AOPEP: variants seen among roughly 807,000 people sequenced by gnomAD.
AOPEP encodes the protein aminopeptidase O (putative).
In AOPEP, 77 loss-of-function variants were observed where a neutral mutation model predicts 98.1. The ratio of observed to expected loss-of-function variants is 0.78; its 90% CI spans 0.65 to 0.95. The LOEUF is 0.95. Among genes scored for constraint, AOPEP ranks in the 40% least tolerant of loss-of-function variants. AOPEP has a pLI of 0.00. For synonymous variants in AOPEP, 346 were observed against 365.3 expected (o/e 0.95, Z 0.60); for missense variants, 1,024 against 1,024.7 (o/e 1.00, Z 0.01).
chr9:94,928,144 G>C (rs2054652496), intron 6 of AOPEP, among the ~76,000 whole-genome samples: 1 of 152,226 alleles, frequency 6.6e-6, no homozygotes, highest in Non-Finnish European at 1.5e-5. Flanking sequence ...ACTCTCTCCA[G>C]ACCAGGTGTG....
At chr9:95,108,212 G>A in the AOPEP span, among the ~76,000 whole-genome samples, 7 of 152,264 alleles carry the variant, frequency 4.6e-5, no homozygotes, top group African/African-American at 1.7e-4. Context: ...GGTGTGTTGT[G>A]TGAGCTCCTC....
At chr9:95,080,849 G>C in intron 15 of AOPEP, 69 bp downstream of exon 15, 1 of 989,976 alleles carries the variant, frequency 1.0e-6, no homozygotes, top group Non-Finnish European at 1.6e-6. Flanking sequence ...AGGAATCCAC[G>C]TTCTCAGTAT....
At chr9:95,077,716 C>T (rs866843295) in intron 14 of AOPEP, among the ~76,000 whole-genome samples, 26 of 152,174 alleles carry the variant, frequency 1.7e-4, no homozygotes, top group Non-Finnish European at 3.1e-4. Context: ...CCTTGAAGCC[C>T]CTCGGTGGTC....
chr9:94,809,590 C>T (rs1850018230), intron 5 of AOPEP, among the ~76,000 whole-genome samples: 1 of 152,230 alleles, frequency 6.6e-6, no homozygotes. Flanking sequence ...TGCTTTACAG[C>T]AGTGAGGAAG....
At chr9:94,931,390 A>G (rs184584450) in intron 7 of AOPEP, among the ~76,000 whole-genome samples, 28 of 152,342 alleles carry the variant, frequency 1.8e-4, no homozygotes, top group Non-Finnish European at 1.5e-4. Flanking sequence ...TTGCACATCA[A>G]TAAGGAAAAT....
chr9:94,800,368 T>C (rs1397721028), intron 4 of AOPEP, among the ~76,000 whole-genome samples: 33 of 152,170 alleles, frequency 2.2e-4, no homozygotes, highest in Non-Finnish European at 2.9e-5. Context: ...GAGTTATGAA[T>C]TGTCTCTAAT....
intron 13 of AOPEP, among the ~76,000 whole-genome samples, chr9:95,047,049 A>AT (rs2133713681): frequency 6.6e-6 from 1 of 152,338 alleles, no homozygotes; most frequent in East Asian, 1.9e-4. Flanking sequence ...CAAACATGGC[A>AT]TTTTGTAAGA....
intron 14 of AOPEP, among the ~76,000 whole-genome samples, chr9:95,073,537 A>C (rs1389806437): frequency 8.8e-5 from 13 of 147,086 alleles, no homozygotes; most frequent in African/African-American, 3.5e-4. Context: ...GTAATCCCAG[A>C]AGGCTGGGCG....
rs931916933 is a variant in AOPEP, at chr9:94,953,166, T to G, written c.1662-2011T>G. On this transcript the variant is annotated intron_variant, in intron 7 of 16. Transcript: ENST00000375315. Reference sequence around the variant, plus strand: ...CCAGACAGTGGGTGATGGGCTTTCCTTATCAAAGCTAGTGTGGCTTTCTTA... The same window carrying G: ...CCAGACAGTGGGTGATGGGCTTTCCGTATCAAAGCTAGTGTGGCTTTCTTA... 1.2e-4 allele frequency among the ~76,000 whole-genome samples: 19 copies of G among 152,214 alleles called. 1 individual carries two copies. The highest frequency in any genetic ancestry group is 3.9e-4 in the African/African-American group (16 of 41,460).
At chr9:94,786,512 C>T (rs1434359078) in intron 3 of AOPEP, among the ~76,000 whole-genome samples, 1 of 152,128 alleles carries the variant, frequency 6.6e-6, no homozygotes, top group Non-Finnish European at 1.5e-5. Context: ...CTTTCTGGGG[C>T]AGTATTTCCA....
intron 5 of AOPEP, among the ~76,000 whole-genome samples, chr9:94,865,369 G>A (rs567789267): frequency 7.2e-4 from 109 of 152,274 alleles, no homozygotes; most frequent in African/African-American, 2.5e-3. Flanking sequence ...AAAATTTGAT[G>A]TTAAGTTTCT....
the AOPEP span, chr9:95,101,486 G>A: frequency 1.6e-6 from 1 of 606,286 alleles, no homozygotes. Context: ...AGGCTCACTT[G>A]AGTCATTAGT....
intron 7 of AOPEP, chr9:94,934,917 C>G (rs1389351018): frequency 6.6e-6 from 1 of 152,300 alleles, no homozygotes. Context: ...AAACCCCCAT[C>G]TTAGGTGGGA....
At position 94,760,401 on chromosome 9, in the gene AOPEP, C is replaced by A. The variant is rs76131437; in HGVS notation, c.618C>A (p.Tyr206Ter). 2 of 1,614,044 alleles carry A rather than the reference C, an allele frequency of 1.2e-6. No homozygotes were observed. The highest frequency in any genetic ancestry group is 1.3e-5 in the African/African-American group (1 of 74,988). The change falls in exon 2 of 17, where the codon TAC becomes TAA. Residue 206 changes from tyrosine (Y) to a stop codon, truncating the protein, a stop_gained. Coordinates refer to ENST00000375315, the MANE Select transcript of AOPEP (RefSeq NM_001193329.3). LOFTEE classifies it high-confidence loss of function. ...ANRWREQLDY[Y>*]ARCSQAPGCG... ...GTTGGAGGGAGCAGTTAGACTATTA[C>A]GCTCGCTGCAGCCAGGCTCCTGGCT...
At chr9:95,098,414 A>C in the AOPEP span, among the ~76,000 whole-genome samples, 11 of 152,308 alleles carry the variant, frequency 7.2e-5, no homozygotes, top group East Asian at 1.2e-3. Flanking sequence ...GGTGAAGAAC[A>C]AACCACGAAA....
At chr9:95,045,637 G>A (rs2065795746) in intron 13 of AOPEP, among the ~76,000 whole-genome samples, 1 of 152,200 alleles carries the variant, frequency 6.6e-6, no homozygotes, top group African/African-American at 2.4e-5. Flanking sequence ...TCGTGTCAAG[G>A]ATTGCTGTAC....
At chr9:94,785,422 A>G (rs1054972341) in intron 3 of AOPEP, among the ~76,000 whole-genome samples, 1 of 152,208 alleles carries the variant, frequency 6.6e-6, no homozygotes, top group African/African-American at 2.4e-5. Flanking sequence ...CTTACTAGTG[A>G]GACAACTGAA....
intron 13 of AOPEP, among the ~76,000 whole-genome samples, chr9:95,034,854 G>A (rs747074466): frequency 8.3e-4 from 126 of 152,282 alleles, no homozygotes; most frequent in Non-Finnish European, 1.5e-3. Context: ...TCCTCTAATC[G>A]CTGCATTGGA....
intron 1 of AOPEP, among the ~76,000 whole-genome samples, chr9:94,752,662 G>C (rs1200029060): frequency 6.6e-6 from 1 of 152,142 alleles, no homozygotes; most frequent in East Asian, 1.9e-4. Context: ...ATAAACTTAA[G>C]TAAAAAGGAA....
Sources: gnomAD v4.1 joint callset for allele counts (sites outside exome capture counted in the v4.1 genomes callset) on GRCh38, gnomAD v4.1.1 for gene constraint, MANE v1.5 for transcripts, NCBI Gene and HGNC (gene_info 2026-07-23, HGNC 2026-07-21) for gene names.